NECTIN1: variants seen among roughly 807,000 people sequenced by gnomAD.
The protein encoded by NECTIN1 is nectin-1.
A neutral mutation model predicts 48.0 loss-of-function variants in NECTIN1; 23 were observed. That is an observed-to-expected ratio of 0.48 (90% CI 0.34 to 0.68). The LOEUF (loss-of-function observed/expected upper bound fraction) is 0.68. NECTIN1 is among the 30% of genes least tolerant of loss of function. The pLI is 0.01. For synonymous variants in NECTIN1, 270 were observed against 288.9 expected (o/e 0.93, Z 0.66); for missense variants, 591 against 709.9 (o/e 0.83, Z 1.90).
At chr11:119,713,606 G>T in intron 1 of NECTIN1, 1 of 266,762 alleles carries the variant, frequency 3.7e-6, no homozygotes, top group Non-Finnish European at 7.6e-6. Flanking sequence ...CAGGTGCTCT[G>T]GTGGCTGCTA....
At chr11:119,643,441 T>G (rs1040366968) in intron 5 of NECTIN1, among the ~76,000 whole-genome samples, 1 of 152,218 alleles carries the variant, frequency 6.6e-6, no homozygotes, top group African/African-American at 2.4e-5. Context: ...ATCGTCCAGA[T>G]AGTCAGTGGC....
chr11:119,718,072 A>C lies in NECTIN1; in HGVS notation c.79+10403T>G, dbSNP rs766053635. ...AGATCAGATGACTGTTTTGCAGCCG[A>C]ATTACCTTCCTAATTAAGCAAGAGA... On this transcript the variant is annotated intron_variant, in intron 1 of 5. Coordinates refer to ENST00000264025, the MANE Select transcript of NECTIN1 (RefSeq NM_002855.5). 1.6e-4 allele frequency among the ~76,000 whole-genome samples: 25 copies of C among 152,320 alleles called. No homozygotes were observed. In the South Asian group the frequency reaches 2.1e-3, roughly 13 times the overall value.
intron 5 of NECTIN1, among the ~76,000 whole-genome samples, chr11:119,670,930 C>T (rs1048486421): frequency 2.0e-5 from 3 of 151,970 alleles, no homozygotes; most frequent in Non-Finnish European, 2.9e-5. Flanking sequence ...TGAGCCACCA[C>T]GCCTAGCCAA....
intron 1 of NECTIN1, among the ~76,000 whole-genome samples, chr11:119,695,055 G>A (rs973987496): frequency 6.6e-6 from 1 of 152,172 alleles, no homozygotes; most frequent in South Asian, 2.1e-4. Flanking sequence ...CACCTTTACT[G>A]AGCACCCACT....
At position 119,665,381 on chromosome 11, in the gene NECTIN1, A is replaced by C. The variant is rs563539399; in HGVS notation, c.1004-84T>G. On this transcript the variant is annotated intron_variant, in intron 5 of 5. Transcript: ENST00000264025. The surrounding 1 kb of genome is among the most constrained non-coding windows in gnomAD (Gnocchi z 5.1). The stretch of plus-strand genomic sequence containing the variant: ...GGGGTGGGAGGGAGGCAGGGAAAGG[A>C]GAGGCCAGGAAGGACAGGCTGTCTG... 12 of 1,487,696 alleles carry C rather than the reference A, an allele frequency of 8.1e-6. No homozygotes were observed. The Admixed American group carries it at 1.1e-4, about 14-fold the overall frequency. 92.2% of individuals were successfully genotyped at this position (1,487,696 alleles called of 1,614,324 possible). A position where few individuals can be genotyped will look rare whatever the true frequency, so the allele number is the denominator to read the frequency against.
At chr11:119,720,852 G>A (rs1865816945) in intron 1 of NECTIN1, among the ~76,000 whole-genome samples, 1 of 152,204 alleles carries the variant, frequency 6.6e-6, no homozygotes. Flanking sequence ...AATGACTGAG[G>A]ACAAGGAACG....
rs1007724490 is a variant in NECTIN1 at position 119,727,739 on chromosome 11, G to T, written c.79+736C>A. 1.3e-5 allele frequency among the ~76,000 whole-genome samples: 2 copies of T among 152,216 alleles called. No homozygotes were observed. Among genetic ancestry groups the T allele is most frequent in the Non-Finnish European group, 2.9e-5 (2 of 68,032 alleles). On this transcript the variant is annotated intron_variant, in intron 1 of 5. Transcript: ENST00000264025. This position sits in a 1 kb window ranked among gnomAD's most constrained non-coding sequence, Gnocchi z 4.1. ...CGCACCTCGAGGAAGGACACGCGGGGCACCCTCGGGAAAGTGGGTCATGCA... is the reference window on the plus strand; with the variant it reads ...CGCACCTCGAGGAAGGACACGCGGGTCACCCTCGGGAAAGTGGGTCATGCA...
At chr11:119,639,135 C>T (rs117434119) in intron 6 of NECTIN1, among the ~76,000 whole-genome samples, 3,768 of 152,278 alleles carry the variant, frequency 0.025, 50 homozygotes, top group Non-Finnish European at 0.033. Context: ...TCACCCAGGG[C>T]GGGCATGAGG....
intron 1 of NECTIN1, among the ~76,000 whole-genome samples, chr11:119,720,516 C>G (rs932484615): frequency 6.6e-6 from 1 of 152,274 alleles, no homozygotes; most frequent in Admixed American, 6.5e-5. Flanking sequence ...CGTGTGGCCC[C>G]CCATGGGAGC....
intron 5 of NECTIN1, among the ~76,000 whole-genome samples, chr11:119,653,132 C>T (rs1046832711): frequency 3.9e-5 from 6 of 152,076 alleles, no homozygotes; most frequent in South Asian, 2.1e-4. Context: ...AGTCTTGATC[C>T]GGGGGTGGTG....
intron 1 of NECTIN1, among the ~76,000 whole-genome samples, chr11:119,686,593 C>A (rs1865159977): frequency 6.6e-6 from 1 of 152,210 alleles, no homozygotes; most frequent in Admixed American, 6.5e-5. Flanking sequence ...TCTTGGGCAT[C>A]CCCAACCTCC....
At chr11:119,641,142 C>G (rs980035897) in intron 5 of NECTIN1, 3 of 152,184 alleles carry the variant, frequency 2.0e-5, no homozygotes, top group African/African-American at 4.8e-5. Context: ...ATTTGCAACC[C>G]CTCTCTGGCC....
chr11:119,660,907 C>T (rs946205389), downstream of NECTIN1: 16 of 750,054 alleles, frequency 2.1e-5, no homozygotes, highest in Non-Finnish European at 2.6e-5. Flanking sequence ...CTTCCCCTCA[C>T]TATCCCTCTG....
chr11:119,718,594 G>A (rs888629295), intron 1 of NECTIN1, among the ~76,000 whole-genome samples: 2 of 152,182 alleles, frequency 1.3e-5, no homozygotes, highest in Admixed American at 1.3e-4. Flanking sequence ...AGGATCTGGG[G>A]CTGGCCTGGG....
At position 119,683,205 on chromosome 11, in the gene NECTIN1, G is replaced by T. The variant is rs1865090323; in HGVS notation, c.80-4440C>A. On this transcript the variant is annotated intron_variant, in intron 1 of 5. Transcript: ENST00000264025. This position sits in a 1 kb window ranked among gnomAD's most constrained non-coding sequence, Gnocchi z 4.0. Reference sequence around the variant, plus strand: ...TTCCCGCAGGTTCCCTCTTACATGAGAAGCAGAGGCTGGCCCAGATGTGGG... The same window carrying T: ...TTCCCGCAGGTTCCCTCTTACATGATAAGCAGAGGCTGGCCCAGATGTGGG... 6.6e-6 allele frequency among the ~76,000 whole-genome samples: 1 copy of T among 152,212 alleles called. No individual in the cohort carries two copies.
chr11:119,659,916 T>G (rs888417320), downstream of NECTIN1, among the ~76,000 whole-genome samples: 1 of 152,236 alleles, frequency 6.6e-6, no homozygotes, highest in Non-Finnish European at 1.5e-5. Flanking sequence ...AGTGACCGCT[T>G]AAACAACCAA....
In NECTIN1 at chr11:119,677,423, G is replaced by A; in HGVS notation, c.733+132C>T. On this transcript the variant is annotated intron_variant, in intron 3 of 5. Transcript: ENST00000264025. The surrounding 1 kb of genome is among the most constrained non-coding windows in gnomAD (Gnocchi z 5.4). ...GAAGGAGGAGAGAAAACGAGCAAAGGGAGGAGATAGGGGAGACAGGAGGGG... is the reference window on the plus strand; with the variant it reads ...GAAGGAGGAGAGAAAACGAGCAAAGAGAGGAGATAGGGGAGACAGGAGGGG... 8.8e-7 allele frequency: 1 copy of A among 1,140,604 alleles called. No individual in the cohort carries two copies. Among genetic ancestry groups the A allele is most frequent in the Non-Finnish European group, 1.3e-6 (1 of 767,988 alleles). 70.7% of individuals were successfully genotyped at this position (1,140,604 alleles called of 1,614,324 possible). A position where few individuals can be genotyped will look rare whatever the true frequency, so the allele number is the denominator to read the frequency against.
At chr11:119,711,068 A>G (rs1272739516) in intron 1 of NECTIN1, among the ~76,000 whole-genome samples, 2 of 139,876 alleles carry the variant, frequency 1.4e-5, no homozygotes, top group African/African-American at 5.5e-5. Context: ...GCCAAAAAAA[A>G]AAAAAAACCA....
Position 119,709,407 on chromosome 11 carries a change from G to A in NECTIN1, c.79+19068C>T, listed in dbSNP as rs996520570. 6.6e-5 allele frequency among the ~76,000 whole-genome samples: 10 copies of A among 152,198 alleles called. No individual in the cohort carries two copies. The highest frequency in any genetic ancestry group is 2.4e-4 in the African/African-American group (10 of 41,450). On this transcript the variant is annotated intron_variant, in intron 1 of 5. Transcript: ENST00000264025. The surrounding 1 kb of genome is among the most constrained non-coding windows in gnomAD (Gnocchi z 4.1). ...TGGGCCACTCTGCTACCTGGGGCCG[G>A]GGGAGAGCCTGCAGGGGCAGGGGCG...
Sources: allele counts gnomAD v4.1 joint callset (sites outside exome capture counted in the v4.1 genomes callset), GRCh38; gene constraint gnomAD v4.1.1; non-coding constraint Gnocchi (gnomAD v3.1); transcripts MANE v1.5; gene names NCBI Gene and HGNC (gene_info 2026-07-23, HGNC 2026-07-21).